NUS1: variants seen among roughly 807,000 people sequenced by gnomAD.
The protein encoded by NUS1 is NUS1 dehydrodolichyl diphosphate synthase subunit, also known as dehydrodolichyl diphosphate synthase complex subunit NUS1.
For synonymous variants in NUS1, 135 were observed against 155.2 expected (o/e 0.87, Z 0.97); for missense variants, 292 against 382.9 (o/e 0.76, Z 1.98).
At chr6:117,693,234 T>G (rs1404598932) in intron 2 of NUS1, 67 bp downstream of exon 2, 14 of 1,423,556 alleles carry the variant, frequency 9.8e-6, no homozygotes, top group East Asian at 2.3e-5. Flanking sequence ...CATGGCAATT[T>G]CTGTTACTCT....
chr6:117,703,747 G>A, intron 4 of NUS1, 43 bp downstream of exon 4: 1 of 1,379,124 alleles, frequency 7.3e-7, no homozygotes. Context: ...GATTCAGCAA[G>A]TGTTTCTTGA....
intron 3 of NUS1, 63 bp downstream of exon 3, chr6:117,694,243 C>T: frequency 5.2e-6 from 5 of 953,438 alleles, no homozygotes; most frequent in Non-Finnish European, 7.2e-6. Flanking sequence ...TTAGTTTTGT[C>T]ACACGAGGAT....
intron 1 of NUS1, among the ~76,000 whole-genome samples, chr6:117,678,400 C>T (rs1470800432): frequency 6.6e-6 from 1 of 152,100 alleles, no homozygotes; most frequent in African/African-American, 2.4e-5. Flanking sequence ...GGGAATGCAG[C>T]AGTGTACTCA....
At position 117,676,060 on chromosome 6, in the gene NUS1, C is replaced by T; in HGVS notation, c.390C>T (p.Ser130=). ...TGTGGTGTATGGCCGTGGGCATCTC[C>T]TACATTAGCGTCTACGACCACCAAG... ...LVVWCMAVGI[S]YISVYDHQGI... Residue 130 remains serine, a synonymous_variant, in exon 1 of 5, where the codon TCC becomes TCT. Coordinates refer to ENST00000368494, the MANE Select transcript of NUS1 (RefSeq NM_138459.5). The T allele has an allele frequency of 1.3e-6, 2 of 1,550,748 alleles. No homozygotes were observed. Among genetic ancestry groups the T allele is most frequent in the African/African-American group, 1.4e-5 (1 of 73,186 alleles).
chr6:117,701,147 T>G (rs1313842191), intron 3 of NUS1, among the ~76,000 whole-genome samples: 1 of 151,972 alleles, frequency 6.6e-6, no homozygotes, highest in African/African-American at 2.4e-5. Context: ...TTGAATTGAA[T>G]CTATAGCTCA....
At chr6:117,699,743 C>G (rs1182019359) in intron 3 of NUS1, among the ~76,000 whole-genome samples, 1 of 152,124 alleles carries the variant, frequency 6.6e-6, no homozygotes, top group Non-Finnish European at 1.5e-5. Context: ...CGTTACCTGA[C>G]TTCCAGTTAT....
At chr6:117,697,195 C>T (rs768457643) in intron 3 of NUS1, among the ~76,000 whole-genome samples, 1 of 151,934 alleles carries the variant, frequency 6.6e-6, no homozygotes, top group Non-Finnish European at 1.5e-5. Flanking sequence ...GAAATTAAGT[C>T]ATACCACCAG....
At position 117,703,601 on chromosome 6, in the gene NUS1, C is replaced by A; in HGVS notation, c.692-4C>A. 6.2e-7 allele frequency: 1 copy of A among 1,606,584 alleles called. No individual in the cohort carries two copies. The highest frequency in any genetic ancestry group is 1.3e-5 in the African/African-American group (1 of 74,846). On this transcript the variant is annotated splice_polypyrimidine_tract_variant and splice_region_variant and intron_variant, in intron 3 of 4. Coordinates refer to ENST00000368494, the MANE Select transcript of NUS1 (RefSeq NM_138459.5). ...AAGTTCATGTGTATTTATTTATTTC[C>A]AAGGTTCAAATGGTTGTCCTGATCC... is the stretch of plus-strand genomic sequence containing the variant.
intron 3 of NUS1, among the ~76,000 whole-genome samples, chr6:117,703,357 A>G (rs568105285): frequency 6.6e-6 from 1 of 152,300 alleles, no homozygotes; most frequent in East Asian, 1.9e-4. Flanking sequence ...CTTTCTTATC[A>G]GGTAATCAAT....
intron 4 of NUS1, among the ~76,000 whole-genome samples, chr6:117,705,497 C>A (rs1003756853): frequency 3.3e-5 from 5 of 152,176 alleles, no homozygotes; most frequent in Admixed American, 3.3e-4. Context: ...GTAACAGGCT[C>A]TTCCTTTGAC....
At chr6:117,682,253 A>C (rs1773072250) in intron 1 of NUS1, among the ~76,000 whole-genome samples, 2 of 152,150 alleles carry the variant, frequency 1.3e-5, no homozygotes, top group South Asian at 2.1e-4. Flanking sequence ...TTTTTAAATG[A>C]CTTTATTCTC....
intron 2 of NUS1, among the ~76,000 whole-genome samples, chr6:117,693,742 A>G (rs1345253459): frequency 2.0e-5 from 3 of 152,218 alleles, no homozygotes; most frequent in Admixed American, 1.3e-4. Flanking sequence ...GCTAGCCTAT[A>G]AAGTTTCTGT....
intron 1 of NUS1, among the ~76,000 whole-genome samples, chr6:117,681,857 G>T (rs965446933): frequency 6.6e-6 from 1 of 152,156 alleles, no homozygotes; most frequent in Non-Finnish European, 1.5e-5. Flanking sequence ...TTTTGACATG[G>T]AGTCTGGCTC....
In NUS1 at chr6:117,707,521, T is replaced by G. The variant is rs1253938607; in HGVS notation, c.*506T>G. The G allele has an allele frequency of 2.2e-5, 3 of 138,144 alleles. No individual in the cohort carries two copies. The highest frequency in any genetic ancestry group is 8.5e-5 in the African/African-American group (3 of 35,092). 8.6% of individuals were successfully genotyped at this position (138,144 alleles called of 1,614,324 possible). ...GAAAGGAGCTCCAGAGGAGTGGAGTTCTGTGTTGCTCACATGTTAAAATCT... is the reference window on the plus strand; with the variant it reads ...GAAAGGAGCTCCAGAGGAGTGGAGTGCTGTGTTGCTCACATGTTAAAATCT... On this transcript the variant is annotated 3_prime_UTR_variant, in exon 5 of 5. Coordinates refer to ENST00000368494, the MANE Select transcript of NUS1 (RefSeq NM_138459.5).
At position 117,709,638 on chromosome 6, in the gene NUS1, G is replaced by A. The variant is rs909854093; in HGVS notation, c.*2623G>A. On this transcript the variant is annotated 3_prime_UTR_variant, in exon 5 of 5. Transcript: ENST00000368494. The stretch of plus-strand genomic sequence containing the variant: ...GATTAGCTCCCTCCTCCTGTGTGAT[G>A]GTACCATGCATAGAGTCAATCAAAT... 1.3e-5 allele frequency: 2 copies of A among 151,890 alleles called. No homozygotes were observed. The highest frequency in any genetic ancestry group is 4.9e-5 in the African/African-American group (2 of 41,190). 9.4% of individuals were successfully genotyped at this position (151,890 alleles called of 1,614,324 possible). A position where few individuals can be genotyped will look rare whatever the true frequency, so the allele number is the denominator to read the frequency against.
chr6:117,705,314 G>A (rs1052202495), intron 4 of NUS1, among the ~76,000 whole-genome samples: 2 of 152,170 alleles, frequency 1.3e-5, no homozygotes, highest in South Asian at 2.1e-4. Context: ...GTGATGCTGT[G>A]TACAGTTGGG....
In NUS1 at chr6:117,709,654, T is replaced by A. The variant is rs547151276; in HGVS notation, c.*2639T>A. On this transcript the variant is annotated 3_prime_UTR_variant, in exon 5 of 5. Coordinates refer to ENST00000368494, the MANE Select transcript of NUS1 (RefSeq NM_138459.5). Reference sequence around the variant, plus strand: ...CTGTGTGATGGTACCATGCATAGAGTCAATCAAATCCTTGTGATGTTTTGT... The same window carrying A: ...CTGTGTGATGGTACCATGCATAGAGACAATCAAATCCTTGTGATGTTTTGT... 6.6e-6 allele frequency: 1 copy of A among 152,382 alleles called. No individual in the cohort carries two copies. The highest frequency in any genetic ancestry group is 6.6e-5 in the Admixed American group (1 of 15,248). The allele number at this position is 152,382 out of a possible 1,614,324, so 9.4% of individuals were successfully genotyped here.
chr6:117,701,488 C>G (rs1410346908), intron 3 of NUS1, among the ~76,000 whole-genome samples: 2 of 152,128 alleles, frequency 1.3e-5, no homozygotes, highest in African/African-American at 4.8e-5. Context: ...TCGTGATCCA[C>G]CTGCCTCGGC....
At chr6:117,681,912 G>A (rs981516272) in intron 1 of NUS1, among the ~76,000 whole-genome samples, 16 of 152,158 alleles carry the variant, frequency 1.1e-4, no homozygotes, top group Middle Eastern at 6.8e-3. Context: ...GGCTCACTGC[G>A]ACCTCTGCCT....
Sources: gnomAD v4.1 joint callset for allele counts (sites outside exome capture counted in the v4.1 genomes callset) on GRCh38, gnomAD v4.1.1 for gene constraint, MANE v1.5 for transcripts, NCBI Gene and HGNC (gene_info 2026-07-23, HGNC 2026-07-21) for gene names.